GRM7: variants seen among roughly 807,000 people sequenced by gnomAD.
GRM7 encodes the protein glutamate metabotropic receptor 7.
A neutral mutation model predicts 84.5 loss-of-function variants in GRM7; 35 were observed. The ratio of observed to expected loss-of-function variants is 0.41; its 90% CI spans 0.32 to 0.55. The LOEUF (loss-of-function observed/expected upper bound fraction) is 0.55. GRM7 is among the 20% of genes least tolerant of loss of function. The probability of loss-of-function intolerance (pLI) is 0.19; values close to 1 mark genes in which losing one functional copy is unlikely to be tolerated. For synonymous variants in GRM7, 487 were observed against 455.1 expected, an observed-to-expected ratio of 1.07 and a Z score of -0.89; for missense variants, 1,003 against 1,194.6, an observed-to-expected ratio of 0.84 and a Z score of 2.36.
chr3:7,696,930 C>T (rs1257875525), intron 9 of GRM7, among the ~76,000 whole-genome samples: 3 of 152,108 alleles, frequency 2.0e-5, no homozygotes, highest in Non-Finnish European at 4.4e-5. Context: ...GAAGAGCCAG[C>T]AAAAGATATT....
At chr3:7,003,063 A>G (rs1293423278) in intron 1 of GRM7, among the ~76,000 whole-genome samples, 3 of 152,296 alleles carry the variant, frequency 2.0e-5, no homozygotes, top group East Asian at 1.9e-4. Context: ...CTCAGAGTAG[A>G]AAGTGTTAAC....
intron 9 of GRM7, among the ~76,000 whole-genome samples, chr3:7,708,104 T>C (rs1701450700): frequency 6.6e-6 from 1 of 152,002 alleles, no homozygotes; most frequent in Non-Finnish European, 1.5e-5. Flanking sequence ...AACTGGTTTC[T>C]GTCATTTTAT....
intron 4 of GRM7, among the ~76,000 whole-genome samples, chr3:7,408,654 CAA>C (rs1695784884): frequency 2.0e-5 from 3 of 152,300 alleles, no homozygotes; most frequent in Admixed American, 6.5e-5. Flanking sequence ...CAAAGATTCT[CAA>C]GAGAGGCAGA....
intron 7 of GRM7, among the ~76,000 whole-genome samples, chr3:7,485,128 C>T (rs1451954614): frequency 6.6e-6 from 1 of 152,152 alleles, no homozygotes; most frequent in Non-Finnish European, 1.5e-5. Flanking sequence ...TCACTGACAC[C>T]TTGACTATAA....
rs562948890 is a variant in GRM7, at chr3:7,678,110, T to G, written c.2452-1939T>G. ...TGGGCAAGGGTTGAAAAAATAAATA[T>G]TAGGTACTATCTTCAGTACCTGAGT... On this transcript the variant is annotated intron_variant, in intron 8 of 9. Transcript: ENST00000357716. 8.7e-4 allele frequency among the ~76,000 whole-genome samples: 132 copies of G among 152,148 alleles called. 1 individual carries two copies. The highest frequency in any genetic ancestry group is 1.7e-3 in the Non-Finnish European group (116 of 68,000).
At chr3:7,558,378 T>C (rs2125033278) in intron 7 of GRM7, among the ~76,000 whole-genome samples, 1 of 152,178 alleles carries the variant, frequency 6.6e-6, no homozygotes, top group Non-Finnish European at 1.5e-5. Flanking sequence ...TGGCTAAGTT[T>C]TTAGTTCTGA....
intron 1 of GRM7, among the ~76,000 whole-genome samples, chr3:7,131,666 A>G (rs1045101619): frequency 6.1e-4 from 87 of 141,906 alleles, no homozygotes; most frequent in Non-Finnish European, 7.5e-4. Flanking sequence ...TTTAGTAGAG[A>G]TGGGGTTTCA....
At chr3:7,530,782 G>T (rs1701008336) in intron 7 of GRM7, among the ~76,000 whole-genome samples, 1 of 151,102 alleles carries the variant, frequency 6.6e-6, no homozygotes, top group Admixed American at 6.6e-5. Flanking sequence ...TCCATTTTTT[G>T]ATGGGTCTGT....
chr3:7,271,014 T>C (rs901522016), intron 2 of GRM7, among the ~76,000 whole-genome samples: 1 of 152,194 alleles, frequency 6.6e-6, no homozygotes, highest in Non-Finnish European at 1.5e-5. Flanking sequence ...CTTGGCTGTC[T>C]GTCTCAAGAT....
intron 4 of GRM7, among the ~76,000 whole-genome samples, chr3:7,326,327 G>C (rs1229707721): frequency 6.6e-6 from 1 of 152,072 alleles, no homozygotes; most frequent in East Asian, 1.9e-4. Context: ...GAACATCTTA[G>C]GTGGGACGGC....
chr3:7,355,213 T>A (rs1436301679), intron 4 of GRM7, among the ~76,000 whole-genome samples: 1 of 152,110 alleles, frequency 6.6e-6, no homozygotes, highest in Non-Finnish European at 1.5e-5. Flanking sequence ...ATCTGGCCCC[T>A]CCTACAAACA....
intron 2 of GRM7, among the ~76,000 whole-genome samples, chr3:7,231,010 C>T (rs1432560044): frequency 1.3e-5 from 2 of 152,078 alleles, no homozygotes; most frequent in African/African-American, 2.4e-5. Flanking sequence ...ACCACCTGCC[C>T]AATAGGGTTA....
intron 4 of GRM7, among the ~76,000 whole-genome samples, chr3:7,409,187 CACTCAGGTAT>C (rs1217743831): frequency 1.3e-5 from 2 of 152,196 alleles, no homozygotes; most frequent in Non-Finnish European, 1.5e-5. Context: ...AACTACCAAA[CACTCAGGTAT>C]ACTTGCTCTT....
At chr3:7,039,712 GA>G (rs1478514455) in intron 1 of GRM7, among the ~76,000 whole-genome samples, 3 of 109,032 alleles carry the variant, frequency 2.8e-5, no homozygotes, top group Non-Finnish European at 5.6e-5. Flanking sequence ...CAGAGTAACT[GA>G]GAAAAAAAAA....
intron 2 of GRM7, among the ~76,000 whole-genome samples, chr3:7,219,304 A>T (rs1057332684): frequency 6.6e-6 from 1 of 152,032 alleles, no homozygotes. Flanking sequence ...CACCTGGGAG[A>T]TCTGTTCCCA....
rs116087670 is a variant in GRM7 at position 7,282,721 on chromosome 3, T to A, written c.737-15963T>A. The stretch of plus-strand genomic sequence containing the variant: ...TTGATTAGACCTAATTAAGATTGTG[T>A]TTTTTTTGCAGTGCTTCTCAAAATG... On this transcript the variant is annotated intron_variant, in intron 2 of 9. Coordinates refer to ENST00000357716, the MANE Select transcript of GRM7 (RefSeq NM_000844.4). 1.3e-3 allele frequency among the ~76,000 whole-genome samples: 198 copies of A among 151,998 alleles called. 1 individual carries two copies. The highest frequency in any genetic ancestry group is 4.4e-3 in the African/African-American group (182 of 41,454).
At chr3:7,716,333 C>A (rs916995626) in intron 9 of GRM7, among the ~76,000 whole-genome samples, 1 of 152,192 alleles carries the variant, frequency 6.6e-6, no homozygotes, top group African/African-American at 2.4e-5. Flanking sequence ...AACCTAAGGG[C>A]TGGGATACAA....
intron 2 of GRM7, among the ~76,000 whole-genome samples, chr3:7,275,540 C>T (rs978562470): frequency 5.3e-5 from 8 of 152,162 alleles, no homozygotes; most frequent in Non-Finnish European, 1.2e-4. Context: ...TGCCCTTCCT[C>T]ATTAAGTAGA....
At chr3:7,194,357 C>T (rs893367037) in intron 2 of GRM7, among the ~76,000 whole-genome samples, 1 of 152,150 alleles carries the variant, frequency 6.6e-6, no homozygotes, top group Non-Finnish European at 1.5e-5. Context: ...TGAGGTGAAG[C>T]ATACAGTGTG....
Sources: allele counts gnomAD v4.1 joint callset (sites outside exome capture counted in the v4.1 genomes callset), GRCh38; gene constraint gnomAD v4.1.1; transcripts MANE v1.5; gene names NCBI Gene and HGNC (gene_info 2026-07-23, HGNC 2026-07-21).